KANK1: variants seen among roughly 807,000 people sequenced by gnomAD.
The protein encoded by KANK1 is KN motif and ankyrin repeat domains 1.
In KANK1, 109 loss-of-function variants were observed where a neutral mutation model predicts 106.2. The ratio of observed to expected loss-of-function variants is 1.03; its 90% CI spans 0.88 to 1.20. KANK1 has a LOEUF of 1.20. Among genes scored for constraint, KANK1 ranks in the 50% most tolerant of loss-of-function variants. The probability of loss-of-function intolerance (pLI) is 0.00; values close to 1 mark genes in which losing one functional copy is unlikely to be tolerated. For synonymous variants in KANK1, 873 were observed against 652.2 expected, an observed-to-expected ratio of 1.34 and a Z score of -5.16; for missense variants, 2,399 against 1,710.7, an observed-to-expected ratio of 1.40 and a Z score of -7.10.
chr9:471,393 G>C (rs1001261007), intron 2 of KANK1: 2 of 152,302 alleles, frequency 1.3e-5, no homozygotes, highest in African/African-American at 4.8e-5. Flanking sequence ...GAAGTGGGGA[G>C]CATGCTGAGG....
At chr9:658,848 C>T (rs1485152063) in intron 1 of KANK1, among the ~76,000 whole-genome samples, 1 of 152,052 alleles carries the variant, frequency 6.6e-6, no homozygotes, top group Non-Finnish European at 1.5e-5. Flanking sequence ...ACCATTTTTA[C>T]CTTCCACCTT....
intron 3 of KANK1, among the ~76,000 whole-genome samples, chr9:723,364 G>C (rs1372194566): frequency 6.6e-6 from 1 of 152,142 alleles, no homozygotes; most frequent in Non-Finnish European, 1.5e-5. Context: ...GGGAGGAAAG[G>C]CTTACCAGGT....
At chr9:674,891 G>C (rs528124336) in intron 1 of KANK1, among the ~76,000 whole-genome samples, 3 of 152,200 alleles carry the variant, frequency 2.0e-5, no homozygotes, top group African/African-American at 4.8e-5. Flanking sequence ...TTTTAGTAGA[G>C]AAGAGGTTTT....
intron 2 of KANK1, among the ~76,000 whole-genome samples, chr9:682,775 G>C (rs1010369877): frequency 1.3e-5 from 2 of 152,122 alleles, no homozygotes; most frequent in Non-Finnish European, 2.9e-5. Flanking sequence ...CGTTATCTTG[G>C]TCAGTTATTT....
intron 1 of KANK1, among the ~76,000 whole-genome samples, chr9:605,384 G>T (rs1828845380): frequency 6.6e-6 from 1 of 151,460 alleles, no homozygotes; most frequent in African/African-American, 2.4e-5. Context: ...TTAGCCATAT[G>T]TTAAGCTCTG....
In KANK1 at chr9:669,556, C is replaced by T. The variant is rs190032425; in HGVS notation, c.-83-7334C>T. Among the ~76,000 whole-genome samples the T allele has an allele frequency of 6.8e-4, 103 of 152,214 alleles. 1 individual carries two copies. Among genetic ancestry groups the T allele is most frequent in the African/African-American group, 2.5e-3 (102 of 41,528 alleles). ...GCACTTTGAAAATATCATTCCACTT[C>T]CTCCTGACTTACGGTTTCCATTGAG... On this transcript the variant is annotated intron_variant, in intron 1 of 11. Coordinates refer to ENST00000382297, the MANE Select transcript of KANK1 (RefSeq NM_015158.5).
chr9:477,624 G>C (rs1282311188), intron 3 of KANK1: 3 of 152,198 alleles, frequency 2.0e-5, no homozygotes. Context: ...TCTCCATTCA[G>C]GGCTGATATC....
chr9:554,834 C>G (rs2088003), intron 1 of KANK1, among the ~76,000 whole-genome samples: 4 of 151,952 alleles, frequency 2.6e-5, no homozygotes, highest in Non-Finnish European at 4.4e-5. Flanking sequence ...TATACTAGAA[C>G]GATGTGAAAA....
At chr9:735,577 C>T (rs1833572142) in intron 7 of KANK1, 1 of 182,334 alleles carries the variant, frequency 5.5e-6, no homozygotes, top group African/African-American at 2.3e-5. Flanking sequence ...ATGTAGGATC[C>T]CCTAAGGATA....
chr9:745,217 C>G lies in KANK1; in HGVS notation c.4041C>G (p.His1347Gln), dbSNP rs141994741. 5 of 1,614,050 alleles carry G rather than the reference C, an allele frequency of 3.1e-6. No individual in the cohort carries two copies. The highest frequency in any genetic ancestry group is 1.7e-6 in the Non-Finnish European group (2 of 1,180,018). The change falls in exon 12 of 12, where the codon CAC becomes CAG. Residue 1347 changes from histidine to glutamine, a missense_variant. Coordinates refer to ENST00000382297, the MANE Select transcript of KANK1 (RefSeq NM_015158.5). The part of the protein sequence containing the change: ...LGRKTSPGPT[H>Q]RGSFD ...GGAAGACGTCTCCTGGCCCCACCCA[C>G]CGAGGTTCATTTGATTGATTGTATG...
At chr9:627,975 C>T (rs890118525) in intron 1 of KANK1, among the ~76,000 whole-genome samples, 5 of 152,190 alleles carry the variant, frequency 3.3e-5, no homozygotes, top group Admixed American at 6.5e-5. Context: ...AACACAGAAT[C>T]TGACTAAAGG....
intron 2 of KANK1, chr9:707,093 TATGGCATCCGAGCGTGGCCGGCC>T: frequency 1.0e-6 from 1 of 985,464 alleles, no homozygotes; most frequent in Non-Finnish European, 1.2e-6. Context: ...AAGCTCAGCC[TATGGCATCCGAGCGTGGCCGGCC>T]AAGTTTACAC....
At chr9:558,574 T>C (rs1352079281) in intron 1 of KANK1, among the ~76,000 whole-genome samples, 3 of 152,142 alleles carry the variant, frequency 2.0e-5, no homozygotes, top group Non-Finnish European at 4.4e-5. Flanking sequence ...AGCCAATGCG[T>C]CTCTTCTTCC....
chr9:692,063 A>C (rs1376279316), intron 2 of KANK1, among the ~76,000 whole-genome samples: 2 of 151,422 alleles, frequency 1.3e-5, no homozygotes. Flanking sequence ...AACAAAGATG[A>C]CGGATGACTC....
chr9:642,888 G>C lies in KANK1; in HGVS notation c.-83-34002G>C, dbSNP rs139490512. ...GCTGTCTTTTCTCCTTGTAAAGCCA[G>C]TGTCGAAGTAATGGCAATGGTAAGT... On this transcript the variant is annotated intron_variant, in intron 1 of 11. Coordinates refer to ENST00000382297, the MANE Select transcript of KANK1 (RefSeq NM_015158.5). Among the ~76,000 whole-genome samples, 1,205 of 150,252 alleles carry C rather than the reference G, an allele frequency of 8.0e-3. 18 individuals carry two copies. The highest frequency in any genetic ancestry group is 0.012 in the Non-Finnish European group (787 of 67,978).
chr9:689,497 G>A (rs999469675), intron 2 of KANK1, among the ~76,000 whole-genome samples: 52 of 152,160 alleles, frequency 3.4e-4, no homozygotes, highest in Non-Finnish European at 1.6e-4. Flanking sequence ...ATCCAGGCAT[G>A]TAAAGGAGGA....
Position 681,716 on chromosome 9 carries a change from T to C in KANK1, c.37+4707T>C, listed in dbSNP as rs114506905. 8.7e-3 allele frequency among the ~76,000 whole-genome samples: 1,320 copies of C among 152,282 alleles called. 26 individuals carry two copies. The highest frequency in any genetic ancestry group is 0.03 in the African/African-American group (1,251 of 41,534). ...GCCGCTGATCAGGAAACATCCCAGGTACCCTCATGTCAGGCCCTGCTGGAC... is the reference window on the plus strand; with the variant it reads ...GCCGCTGATCAGGAAACATCCCAGGCACCCTCATGTCAGGCCCTGCTGGAC... On this transcript the variant is annotated intron_variant, in intron 2 of 11. Coordinates refer to ENST00000382297, the MANE Select transcript of KANK1 (RefSeq NM_015158.5).
chr9:536,420 TA>T, intron 1 of KANK1, among the ~76,000 whole-genome samples: 1 of 152,052 alleles, frequency 6.6e-6, no homozygotes, highest in African/African-American at 2.4e-5. Flanking sequence ...CTCACTGGAA[TA>T]AAATCAAGAA....
chr9:517,689 G>T (rs545406579), intron 1 of KANK1, among the ~76,000 whole-genome samples: 1 of 151,068 alleles, frequency 6.6e-6, no homozygotes, highest in Admixed American at 6.6e-5. Context: ...AGGGTGTGCC[G>T]GTGGGTCACC....
Sources: allele counts gnomAD v4.1 joint callset (sites outside exome capture counted in the v4.1 genomes callset), GRCh38; gene constraint gnomAD v4.1.1; transcripts MANE v1.5; gene names NCBI Gene and HGNC (gene_info 2026-07-23, HGNC 2026-07-21).